SEMA5A: variants seen among roughly 807,000 people sequenced by gnomAD.
The protein encoded by SEMA5A is semaphorin 5A, also known as semaphorin-5A.
A neutral mutation model predicts 135.5 loss-of-function variants in SEMA5A; 55 were observed. That is an observed-to-expected ratio of 0.41 (90% confidence interval 0.33 to 0.51). The LOEUF is 0.51. SEMA5A is among the 20% of genes least tolerant of loss of function. SEMA5A has a pLI of 0.37. For missense variants in SEMA5A, 1,290 were observed against 1,419.9 expected, an observed-to-expected ratio of 0.91 and a Z score of 1.47; for synonymous variants, 580 against 546.5, an observed-to-expected ratio of 1.06 and a Z score of -0.85.
chr5:9,177,818 A>G (rs1012493678), intron 11 of SEMA5A, among the ~76,000 whole-genome samples: 2 of 152,262 alleles, frequency 1.3e-5, no homozygotes, highest in African/African-American at 4.8e-5. Context: ...GCATGAGGAT[A>G]CTGGAAATGG....
At chr5:9,254,835 A>C (rs1748979478) in intron 5 of SEMA5A, among the ~76,000 whole-genome samples, 1 of 152,130 alleles carries the variant, frequency 6.6e-6, no homozygotes, top group East Asian at 1.9e-4. Context: ...AAGGGATAGA[A>C]TGTATGTGAG....
In SEMA5A at chr5:9,190,433, G is replaced by C. The variant is rs150952790; in HGVS notation, c.1107C>G (p.Thr369=). The C allele has an allele frequency of 6.2e-7, 1 of 1,613,786 alleles. No homozygotes were observed. Among genetic ancestry groups the C allele is most frequent in the Non-Finnish European group, 8.5e-7 (1 of 1,180,026 alleles). Residue 369 remains threonine, a synonymous_variant, in exon 11 of 23, where the codon ACC becomes ACG. Transcript: ENST00000382496. ...TVDQGLYVNL[T]ERNLQDAQKF... ...TCTGAGCATCCTGCAGATTTCTCTC[G>C]GTCAGGTTCACGTACAGGCCCTGGT...
intron 11 of SEMA5A, among the ~76,000 whole-genome samples, chr5:9,164,151 TATATCATATAAA>T (rs1743472458): frequency 3.2e-5 from 4 of 124,080 alleles, no homozygotes; most frequent in Non-Finnish European, 4.8e-5. Flanking sequence ...TAATTATAAA[TATATCATATAAA>T]TATTTATATA....
At chr5:9,473,547 G>A (rs867749888) in intron 1 of SEMA5A, among the ~76,000 whole-genome samples, 7 of 151,972 alleles carry the variant, frequency 4.6e-5, no homozygotes, top group Middle Eastern at 3.4e-3. Context: ...CCAAAATTCA[G>A]GCCAAACCTA....
At chr5:9,340,351 G>C (rs1753592448) in intron 3 of SEMA5A, among the ~76,000 whole-genome samples, 1 of 152,182 alleles carries the variant, frequency 6.6e-6, no homozygotes. Context: ...AGAGGGCCAA[G>C]GGCTGACCTT....
At chr5:9,451,256 A>C (rs1333424018) in intron 1 of SEMA5A, among the ~76,000 whole-genome samples, 1 of 152,166 alleles carries the variant, frequency 6.6e-6, no homozygotes, top group Non-Finnish European at 1.5e-5. Context: ...CTAATCATGA[A>C]CCATCCTATC....
At chr5:9,471,486 C>T (rs1759476510) in intron 1 of SEMA5A, among the ~76,000 whole-genome samples, 1 of 152,068 alleles carries the variant, frequency 6.6e-6, no homozygotes, top group Non-Finnish European at 1.5e-5. Flanking sequence ...CATAATCCAC[C>T]AGAAAGACTG....
rs1287444762 is a variant in SEMA5A, at chr5:9,305,728, T to TATATATGTATATATATATA, written c.270+12643_270+12644insTATATATATATACATATAT. ...TGTGCGTATATATATATATATATAT[T>TATATATGTATATATATATA]TACACGCACACACACACACACACAC... is the stretch of plus-strand genomic sequence containing the variant. On this transcript the variant is annotated intron_variant, in intron 5 of 22. Transcript: ENST00000382496. Among the ~76,000 whole-genome samples, 481 of 94,998 alleles carry TATATATGTATATATATATA rather than the reference T, an allele frequency of 5.1e-3. 6 individuals carry two copies. The highest frequency in any genetic ancestry group is 0.018 in the African/African-American group (461 of 25,316). 62.3% of individuals were successfully genotyped at this position (94,998 alleles called of 152,430 possible).
chr5:9,403,065 A>G (rs1756732680), intron 2 of SEMA5A, among the ~76,000 whole-genome samples: 1 of 152,068 alleles, frequency 6.6e-6, no homozygotes, highest in Non-Finnish European at 1.5e-5. Context: ...TCCAAATGCC[A>G]TCTCCAAACT....
intron 3 of SEMA5A, among the ~76,000 whole-genome samples, chr5:9,361,285 C>A (rs191955554): frequency 7.1e-6 from 1 of 141,098 alleles, no homozygotes. Flanking sequence ...GGCAACAAAG[C>A]GAGACTCTGT....
chr5:9,520,728 A>C (rs1161864135), intron 1 of SEMA5A, among the ~76,000 whole-genome samples: 1 of 152,226 alleles, frequency 6.6e-6, no homozygotes, highest in Non-Finnish European at 1.5e-5. Context: ...AGCTCCAGGC[A>C]AGTCATGAGA....
chr5:9,291,264 G>A (rs75949743), intron 5 of SEMA5A, among the ~76,000 whole-genome samples: 1,630 of 152,162 alleles, frequency 0.011, 23 homozygotes, highest in African/African-American at 0.037. Flanking sequence ...TTTGCACTTC[G>A]CGGATGGTCC....
chr5:9,452,443 G>A (rs1224154282), intron 1 of SEMA5A, among the ~76,000 whole-genome samples: 1 of 152,130 alleles, frequency 6.6e-6, no homozygotes, highest in East Asian at 1.9e-4. Flanking sequence ...AGCGTTCCCT[G>A]ACACCTGATA....
chr5:9,403,777 C>T (rs148348476), intron 2 of SEMA5A, among the ~76,000 whole-genome samples: 3,415 of 152,186 alleles, frequency 0.022, 49 homozygotes, highest in Non-Finnish European at 0.03. Context: ...TAGGAGGGAA[C>T]GAGAGAAAAG....
chr5:9,367,448 ATC>A (rs1754964675), intron 3 of SEMA5A: 2 of 152,328 alleles, frequency 1.3e-5, no homozygotes, highest in Admixed American at 6.5e-5. Flanking sequence ...CTAAATATGT[ATC>A]TCTCTTATTT....
chr5:9,475,420 A>T (rs895244096), intron 1 of SEMA5A, among the ~76,000 whole-genome samples: 1 of 152,178 alleles, frequency 6.6e-6, no homozygotes, highest in Non-Finnish European at 1.5e-5. Context: ...CTTCTTAGTC[A>T]TGGGTGTCTG....
intron 4 of SEMA5A, among the ~76,000 whole-genome samples, chr5:9,329,160 C>T (rs1286618338): frequency 6.6e-6 from 1 of 152,168 alleles, no homozygotes; most frequent in Non-Finnish European, 1.5e-5. Flanking sequence ...ACCATCATAT[C>T]CCTTTACTCT....
chr5:9,296,521 C>G (rs1377627090), intron 5 of SEMA5A, among the ~76,000 whole-genome samples: 3 of 152,110 alleles, frequency 2.0e-5, no homozygotes, highest in Non-Finnish European at 4.4e-5. Context: ...AAATACTGTA[C>G]TTTTCACAAA....
At chr5:9,386,041 C>A (rs1755872688) in intron 2 of SEMA5A, among the ~76,000 whole-genome samples, 1 of 152,084 alleles carries the variant, frequency 6.6e-6, no homozygotes, top group East Asian at 1.9e-4. Flanking sequence ...ACCTCGTGAT[C>A]TGCCCACCTC....
Sources: gnomAD v4.1 joint callset for allele counts (sites outside exome capture counted in the v4.1 genomes callset) on GRCh38, gnomAD v4.1.1 for gene constraint, MANE v1.5 for transcripts, NCBI Gene and HGNC (gene_info 2026-07-23, HGNC 2026-07-21) for gene names.